Variants in PAPOLA observed in about 807,000 individuals in gnomAD.
The protein encoded by PAPOLA is poly(A) polymerase alpha.
Under a neutral mutation model 100.6 loss-of-function variants are expected in PAPOLA, and 15 were observed. That is an observed-to-expected ratio of 0.15 (90% CI 0.10 to 0.23). The LOEUF is 0.23. Among genes scored for constraint, PAPOLA ranks in the 10% least tolerant of loss-of-function variants. The pLI, the probability that PAPOLA is intolerant of heterozygous loss-of-function variation, is 1.00. For synonymous variants in PAPOLA, 293 were observed against 300.0 expected, an observed-to-expected ratio of 0.98 and a Z score of 0.24; for missense variants, 533 against 884.2, an observed-to-expected ratio of 0.60 and a Z score of 5.04.
intron 12 of PAPOLA, among the ~76,000 whole-genome samples, chr14:96,540,521 C>T (rs755366765): frequency 7.9e-5 from 12 of 151,700 alleles, no homozygotes; most frequent in Non-Finnish European, 1.2e-4. Context: ...TTTGGAACTC[C>T]GAGTATGGGT....
intron 16 of PAPOLA, among the ~76,000 whole-genome samples, chr14:96,551,408 A>C (rs986820522): frequency 6.6e-6 from 1 of 152,328 alleles, no homozygotes; most frequent in South Asian, 2.1e-4. Flanking sequence ...GACTGACTTC[A>C]TAAGCAAATG....
intron 17 of PAPOLA, among the ~76,000 whole-genome samples, chr14:96,554,473 T>C (rs1901120875): frequency 6.6e-6 from 1 of 152,242 alleles, no homozygotes; most frequent in Non-Finnish European, 1.5e-5. Context: ...TTTAATAAGT[T>C]GACTGCTCCG....
chr14:96,514,015 T>C (rs1235629609), intron 1 of PAPOLA, among the ~76,000 whole-genome samples: 1 of 152,192 alleles, frequency 6.6e-6, no homozygotes, highest in Non-Finnish European at 1.5e-5. Flanking sequence ...TTTTAGATTT[T>C]ACTATGGACA....
At chr14:96,548,231 T>C (rs1018048627) in intron 16 of PAPOLA, among the ~76,000 whole-genome samples, 20 of 152,198 alleles carry the variant, frequency 1.3e-4, no homozygotes, top group Admixed American at 9.8e-4. Flanking sequence ...TAATTTTCTT[T>C]CCTTTAAAAA....
intron 1 of PAPOLA, among the ~76,000 whole-genome samples, chr14:96,505,946 C>T (rs1367284374): frequency 1.3e-5 from 2 of 152,232 alleles, no homozygotes; most frequent in East Asian, 1.9e-4. Context: ...GCTCTGTCGC[C>T]GGGCTGGAAT....
At chr14:96,535,411 T>C in intron 10 of PAPOLA, 1 of 982,210 alleles carries the variant, frequency 1.0e-6, no homozygotes, top group Non-Finnish European at 1.2e-6. Context: ...CATATCAACA[T>C]GGATAATGTA....
rs771755320 is a variant in PAPOLA, at chr14:96,532,304, G to GT, written c.608-26dup. 9.7e-5 allele frequency: 151 copies of GT among 1,560,416 alleles called. No individual in the cohort carries two copies. In the East Asian group the frequency reaches 2.9e-3, roughly 30 times the overall value. On this transcript the variant is annotated intron_variant, in intron 7 of 21. Transcript: ENST00000216277. Reference sequence around the variant, plus strand: ...TTGTTTTGTGTGTGTGTGTGTGTGTGTGTTTTTTTTTACCCCTATTAATTA... The same window carrying GT: ...TTGTTTTGTGTGTGTGTGTGTGTGTGTTGTTTTTTTTTACCCCTATTAATTA...
intron 7 of PAPOLA, 185 bp downstream of exon 7, chr14:96,531,771 T>G (rs1899041568): frequency 2.8e-6 from 4 of 1,449,446 alleles, no homozygotes; most frequent in Non-Finnish European, 3.6e-6. Flanking sequence ...CTACAGTATT[T>G]TATACACTGT....
At chr14:96,534,865 TAAA>T (rs1732770090) in intron 10 of PAPOLA, 1 of 1,081,154 alleles carries the variant, frequency 9.2e-7, no homozygotes, top group Non-Finnish European at 1.1e-6. Context: ...ATTTGTGCTT[TAAA>T]AAAAATAAAA....
chr14:96,531,168 A>G (rs967838236), intron 6 of PAPOLA, among the ~76,000 whole-genome samples: 4 of 151,524 alleles, frequency 2.6e-5, no homozygotes, highest in African/African-American at 7.3e-5. Context: ...TGCCCGGCTA[A>G]TTTTTTTGTA....
At chr14:96,527,141 T>G (rs765739347) in intron 4 of PAPOLA, 6 of 372,846 alleles carry the variant, frequency 1.6e-5, no homozygotes, top group Non-Finnish European at 2.9e-5. Context: ...GGGTGTATGT[T>G]TGAATAATTC....
intron 21 of PAPOLA, among the ~76,000 whole-genome samples, chr14:96,563,590 A>G (rs954816838): frequency 1.5e-4 from 23 of 152,186 alleles, no homozygotes; most frequent in African/African-American, 5.5e-4. Flanking sequence ...AACTGAGATA[A>G]CAACTGCTGC....
chr14:96,537,513 G>A (rs1485823062), intron 12 of PAPOLA: 3 of 157,948 alleles, frequency 1.9e-5, no homozygotes, highest in Admixed American at 6.0e-5. Flanking sequence ...AATAGTTACA[G>A]CACATTATTG....
chr14:96,563,235 A>G (rs1316485382), intron 21 of PAPOLA, among the ~76,000 whole-genome samples: 1 of 152,224 alleles, frequency 6.6e-6, no homozygotes, highest in Non-Finnish European at 1.5e-5. Context: ...ACTAAAAAAC[A>G]TTCTTCGTGG....
chr14:96,530,003 A>T (rs542923341), intron 6 of PAPOLA, among the ~76,000 whole-genome samples: 1 of 152,356 alleles, frequency 6.6e-6, no homozygotes, highest in South Asian at 2.1e-4. Flanking sequence ...AGTATTACAG[A>T]CATAAAAGTT....
chr14:96,502,970 C>A (rs1231624124), intron 1 of PAPOLA: 7 of 249,546 alleles, frequency 2.8e-5, no homozygotes, highest in Non-Finnish European at 5.4e-5. Context: ...GAACCACGAC[C>A]CTGCTGCACG....
At chr14:96,543,087 C>T (rs1285379865) in intron 14 of PAPOLA, among the ~76,000 whole-genome samples, 194 bp downstream of exon 14, 2 of 152,074 alleles carry the variant, frequency 1.3e-5, no homozygotes, top group East Asian at 3.8e-4. Context: ...GAAAAATCAG[C>T]ACACATTTTT....
intron 13 of PAPOLA, 196 bp from the exon 14 acceptor site, chr14:96,542,578 T>G: frequency 3.5e-6 from 2 of 571,340 alleles, no homozygotes; most frequent in Non-Finnish European, 6.1e-6. Context: ...TGGATAACTT[T>G]TGTAACCTTG....
At position 96,511,086 on chromosome 14, in the gene PAPOLA, A is replaced by G. The variant is rs113136117; in HGVS notation, c.8+8486A>G. Reference sequence around the variant, plus strand: ...TTTATCTGATTGGTTTCAAAGAAGAATATTTAGCAAGTTTGGCTTTCAGTT... The same window carrying G: ...TTTATCTGATTGGTTTCAAAGAAGAGTATTTAGCAAGTTTGGCTTTCAGTT... On this transcript the variant is annotated intron_variant, in intron 1 of 21. Coordinates refer to ENST00000216277, the MANE Select transcript of PAPOLA (RefSeq NM_032632.5). 1.5e-3 allele frequency among the ~76,000 whole-genome samples: 233 copies of G among 152,368 alleles called. 1 individual carries two copies. The highest frequency in any genetic ancestry group is 5.5e-3 in the African/African-American group (227 of 41,596).
Sources: allele counts gnomAD v4.1 joint callset (sites outside exome capture counted in the v4.1 genomes callset), GRCh38; gene constraint gnomAD v4.1.1; transcripts MANE v1.5; gene names NCBI Gene and HGNC (gene_info 2026-07-23, HGNC 2026-07-21).